The following FAM83D variants were observed in gnomAD, a reference collection of about 807,000 sequenced individuals.
FAM83D encodes scaffolding CK1 anchoring protein D, also known as protein FAM83D.
A neutral mutation model predicts 25.4 loss-of-function variants in FAM83D; 26 were observed. The observed-to-expected ratio is 1.02, with a 90% CI of 0.75 to 1.42. FAM83D has a LOEUF of 1.42. Among genes scored for constraint, FAM83D ranks in the 40% most tolerant of loss-of-function variants. FAM83D has a pLI of 0.00. For missense variants in FAM83D, 740 were observed against 758.1 expected (o/e 0.98, Z 0.28); for synonymous variants, 310 against 318.5 (o/e 0.97, Z 0.28).
chr20:38,930,400 CAGTT>C (rs1195528256), intron 1 of FAM83D, among the ~76,000 whole-genome samples: 1 of 151,968 alleles, frequency 6.6e-6, no homozygotes, highest in Non-Finnish European at 1.5e-5. Flanking sequence ...TGAGATCACA[CAGTT>C]AGCATGGGAC....
At chr20:38,946,788 G>A (rs924787663) in intron 2 of FAM83D, among the ~76,000 whole-genome samples, 2 of 151,990 alleles carry the variant, frequency 1.3e-5, no homozygotes, top group African/African-American at 4.8e-5. Flanking sequence ...AGTATTGTAT[G>A]GTATCTTATA....
chr20:38,943,348 A>G (rs1456963717), intron 2 of FAM83D, among the ~76,000 whole-genome samples: 2 of 152,064 alleles, frequency 1.3e-5, no homozygotes, highest in African/African-American at 4.8e-5. Flanking sequence ...AACAAATGTT[A>G]TGTAACTGAA....
At chr20:38,948,817 G>GT (rs1165215508) in intron 3 of FAM83D, among the ~76,000 whole-genome samples, 1 of 152,200 alleles carries the variant, frequency 6.6e-6, no homozygotes, top group Admixed American at 6.5e-5. Flanking sequence ...AAATGAGGCA[G>GT]TAAGATCAAG....
rs747944214 is a variant in FAM83D at position 38,952,284 on chromosome 20, C to G, written c.1522C>G (p.Pro508Ala). The G allele has an allele frequency of 2.5e-6, 4 of 1,614,146 alleles. No individual in the cohort carries two copies. In the South Asian group the frequency reaches 4.4e-5, roughly 18 times the overall value. ...RTTDFHNPGYPKYLGTPHLEL... is the reference protein window; with the variant it reads ...RTTDFHNPGYAKYLGTPHLEL... ...CACTGACTTCCACAATCCTGGCTAT[C>G]CCAAGTACCTGGGCACCCCCCACCT... Residue 508 changes from proline to alanine, a missense_variant, in exon 4 of 4, where the codon CCC becomes GCC. Coordinates refer to ENST00000619850, the MANE Select transcript of FAM83D (RefSeq NM_030919.3).
intron 1 of FAM83D, among the ~76,000 whole-genome samples, chr20:38,932,919 C>T (rs541715905): frequency 2.8e-4 from 43 of 152,186 alleles, no homozygotes; most frequent in Admixed American, 5.2e-4. Context: ...GGGATCATTG[C>T]GTTCCCAGAG....
At chr20:38,949,275 C>T (rs938142265) in intron 3 of FAM83D, among the ~76,000 whole-genome samples, 1 of 151,834 alleles carries the variant, frequency 6.6e-6, no homozygotes, top group African/African-American at 2.4e-5. Context: ...GATTCCTGTG[C>T]CTCAGCCTCC....
At position 38,947,865 on chromosome 20, in the gene FAM83D, C is replaced by G. The variant is rs780837121; in HGVS notation, c.652-11C>G. ...TTGTTCATTTATATTTCTCCCACTCCCTGCCAACAGTTAATGACAGTTCGG... is the reference window on the plus strand; with the variant it reads ...TTGTTCATTTATATTTCTCCCACTCGCTGCCAACAGTTAATGACAGTTCGG... On this transcript the variant is annotated splice_polypyrimidine_tract_variant and intron_variant, in intron 2 of 3. Coordinates refer to ENST00000619850, the MANE Select transcript of FAM83D (RefSeq NM_030919.3). 6.2e-7 allele frequency: 1 copy of G among 1,613,218 alleles called. No individual in the cohort carries two copies. Among genetic ancestry groups the G allele is most frequent in the African/African-American group, 1.3e-5 (1 of 74,996 alleles).
intron 1 of FAM83D, among the ~76,000 whole-genome samples, chr20:38,941,724 G>T (rs761073174): frequency 9.9e-5 from 15 of 152,212 alleles, no homozygotes; most frequent in Non-Finnish European, 2.1e-4. Context: ...CCAGCATGGA[G>T]TTGGGAGTGT....
At chr20:38,948,435 T>TA (rs1320632446) in intron 3 of FAM83D, among the ~76,000 whole-genome samples, 2 of 152,332 alleles carry the variant, frequency 1.3e-5, no homozygotes, top group Admixed American at 6.5e-5. Flanking sequence ...CTGTCAGCTT[T>TA]AGACTCAAAT....
intron 2 of FAM83D, among the ~76,000 whole-genome samples, chr20:38,946,988 T>G (rs1410408638): frequency 6.6e-6 from 1 of 152,252 alleles, no homozygotes; most frequent in Non-Finnish European, 1.5e-5. Context: ...GTAAGGAGCA[T>G]GCCTTACATC....
chr20:38,946,158 C>T (rs934982353), intron 2 of FAM83D, among the ~76,000 whole-genome samples: 11 of 131,270 alleles, frequency 8.4e-5, no homozygotes, highest in Admixed American at 4.8e-4. Flanking sequence ...TGCAGTGAGC[C>T]GAGATTGTGC....
chr20:38,928,926 C>T (rs1160988581), intron 1 of FAM83D, among the ~76,000 whole-genome samples: 1 of 152,138 alleles, frequency 6.6e-6, no homozygotes, highest in Admixed American at 6.5e-5. Context: ...AGCCTGTAAT[C>T]CCAGCACTTT....
intron 1 of FAM83D, among the ~76,000 whole-genome samples, chr20:38,934,655 T>C (rs988430944): frequency 6.6e-6 from 1 of 152,208 alleles, no homozygotes; most frequent in Non-Finnish European, 1.5e-5. Flanking sequence ...TTGTAGACAA[T>C]AGGCCATGCG....
At chr20:38,946,320 C>T (rs1312418865) in intron 2 of FAM83D, among the ~76,000 whole-genome samples, 1 of 151,818 alleles carries the variant, frequency 6.6e-6, no homozygotes, top group Non-Finnish European at 1.5e-5. Context: ...TATGTCTTGC[C>T]ATAGTTTTGT....
chr20:38,926,579 C>A lies in FAM83D; in HGVS notation c.137C>A (p.Ala46Asp), dbSNP rs1054546893. The change falls in exon 1 of 4, where the codon GCC becomes GAC. Residue 46 changes from alanine (A) to aspartate (D), a missense_variant. Physicochemically the swap from Ala to Asp is moderately radical, Grantham distance 126 (BLOSUM62 -2). Coordinates refer to ENST00000619850, the MANE Select transcript of FAM83D (RefSeq NM_030919.3). Reference sequence around the variant, plus strand: ...GAGCTGGTGGCGGGCGGCCCCGAAGCCTTCGCGGCCTTCCTGCGACGCGAG... The same window carrying A: ...GAGCTGGTGGCGGGCGGCCCCGAAGACTTCGCGGCCTTCCTGCGACGCGAG... Reference protein sequence around the residue: ...LEELVAGGPEAFAAFLRRERL... With the variant: ...LEELVAGGPEDFAAFLRRERL... 6.4e-6 allele frequency: 10 copies of A among 1,554,296 alleles called. No homozygotes were observed. The highest frequency in any genetic ancestry group is 8.6e-6 in the Non-Finnish European group (10 of 1,156,814).
chr20:38,932,852 A>G (rs2085663946), intron 1 of FAM83D, among the ~76,000 whole-genome samples: 1 of 152,166 alleles, frequency 6.6e-6, no homozygotes, highest in Non-Finnish European at 1.5e-5. Flanking sequence ...CAAAGAGGCC[A>G]CTTTTGCTAT....
At chr20:38,933,234 A>G (rs901988160) in intron 1 of FAM83D, among the ~76,000 whole-genome samples, 10 of 152,146 alleles carry the variant, frequency 6.6e-5, no homozygotes, top group Non-Finnish European at 1.5e-4. Context: ...CATCCCTCAC[A>G]CCAGGTAGTC....
intron 3 of FAM83D, among the ~76,000 whole-genome samples, chr20:38,949,968 G>A (rs1385184984): frequency 1.3e-5 from 2 of 152,178 alleles, no homozygotes; most frequent in Admixed American, 6.5e-5. Context: ...ACAGGCGCCC[G>A]CCACCACGCC....
rs753022716 is a variant in FAM83D, at chr20:38,952,235, T to C, written c.1473T>C (p.Thr491=). Residue 491 remains threonine (T), a synonymous_variant, in exon 4 of 4, where the codon ACT becomes ACC. Transcript: ENST00000619850. ...CCCAAGGCTCTGTGGCAAGCTCCAC[T>C]GGTTCTCCCGCTTCCATCAGAACCA... ...VSSQGSVASS[T]GSPASIRTTD... is the part of the protein sequence containing the mutation. 3 of 1,614,190 alleles carry C rather than the reference T, an allele frequency of 1.9e-6. No individual in the cohort carries two copies. In the South Asian group the frequency reaches 3.3e-5, roughly 18 times the overall value.
Sources: allele counts gnomAD v4.1 joint callset (sites outside exome capture counted in the v4.1 genomes callset), GRCh38; gene constraint gnomAD v4.1.1; transcripts MANE v1.5; gene names NCBI Gene and HGNC (gene_info 2026-07-23, HGNC 2026-07-21).